The following DCDC1 variants were observed in gnomAD, a reference collection of about 807,000 sequenced individuals.
DCDC1 encodes the protein doublecortin domain-containing protein 1.
DCDC1 carries 200 observed loss-of-function variants against 178.3 expected under a neutral mutation model. The observed-to-expected ratio is 1.12, with a 90% CI of 1.00 to 1.26. The LOEUF (loss-of-function observed/expected upper bound fraction) is 1.26, where lower values mean the gene tolerates loss of function less well. Ranked by LOEUF, DCDC1 falls within the 50% of genes most tolerant of loss-of-function variation. The pLI is 0.00. For synonymous variants in DCDC1, 690 were observed against 604.8 expected (o/e 1.14, Z -2.07); for missense variants, 1,983 against 1,749.2 (o/e 1.13, Z -2.38).
At chr11:30,935,351 T>C (rs1356373655) in intron 21 of DCDC1, among the ~76,000 whole-genome samples, 1 of 152,202 alleles carries the variant, frequency 6.6e-6, no homozygotes, top group African/African-American at 2.4e-5. Flanking sequence ...TCTGATTTTC[T>C]AAATTCCCAC....
intron 7 of DCDC1, among the ~76,000 whole-genome samples, chr11:31,286,973 T>C (rs555079363): frequency 6.6e-6 from 1 of 152,182 alleles, no homozygotes; most frequent in Non-Finnish European, 1.5e-5. Flanking sequence ...TGTGGTGAAA[T>C]TGATTAACTC....
At chr11:30,940,853 C>G (rs937445943) in intron 21 of DCDC1, among the ~76,000 whole-genome samples, 1 of 151,980 alleles carries the variant, frequency 6.6e-6, no homozygotes, top group African/African-American at 2.4e-5. Flanking sequence ...TAATTTTTAG[C>G]CTCTTTTCCA....
rs116484860 is a variant in DCDC1, at chr11:31,073,797, A to C, written c.2298+4068T>G. Among the ~76,000 whole-genome samples the C allele has an allele frequency of 3.8e-3, 586 of 152,328 alleles. 1 individual carries two copies. The highest frequency in any genetic ancestry group is 0.014 in the African/African-American group (566 of 41,574). On this transcript the variant is annotated intron_variant, in intron 18 of 38. Transcript: ENST00000684477. ...CCTTCTATGAACAGAACTAAAGGTG[A>C]ATAGTTTGGGCTGGGTTAATAAATG...
At chr11:31,050,309 T>G (rs936841360) in intron 20 of DCDC1, among the ~76,000 whole-genome samples, 2 of 152,066 alleles carry the variant, frequency 1.3e-5, no homozygotes, top group African/African-American at 4.8e-5. Flanking sequence ...TCCAGTTACC[T>G]GGGAATCTCA....
chr11:31,119,494 C>T (rs371914625), intron 11 of DCDC1, among the ~76,000 whole-genome samples: 4 of 151,962 alleles, frequency 2.6e-5, no homozygotes, highest in South Asian at 2.1e-4. Flanking sequence ...AAGAACGACA[C>T]GGATCAAGGA....
chr11:31,355,726 C>G (rs1951308982), intron 1 of DCDC1, among the ~76,000 whole-genome samples: 1 of 152,018 alleles, frequency 6.6e-6, no homozygotes, highest in Admixed American at 6.6e-5. Flanking sequence ...CACCACCACG[C>G]CCGGCTAATT....
intron 9 of DCDC1, among the ~76,000 whole-genome samples, chr11:31,189,110 G>A (rs1010560524): frequency 4.6e-5 from 7 of 152,030 alleles, no homozygotes; most frequent in African/African-American, 1.2e-4. Context: ...ATAAATTTTC[G>A]TTGTTTATAA....
chr11:30,914,356 C>A (rs1244505359), intron 27 of DCDC1, among the ~76,000 whole-genome samples: 3 of 152,232 alleles, frequency 2.0e-5, no homozygotes, highest in Non-Finnish European at 2.9e-5. Flanking sequence ...CTCGCTGCTG[C>A]CGCCTGCTGA....
At chr11:31,225,740 T>G (rs1974866368) in intron 9 of DCDC1, among the ~76,000 whole-genome samples, 16 of 150,952 alleles carry the variant, frequency 1.1e-4, no homozygotes, top group Admixed American at 1.1e-3. Context: ...CCTAGATACA[T>G]ATAGATATAG....
intron 20 of DCDC1, among the ~76,000 whole-genome samples, chr11:31,054,590 A>G (rs1955470461): frequency 6.6e-6 from 1 of 152,224 alleles, no homozygotes; most frequent in African/African-American, 2.4e-5. Context: ...AAACTATACT[A>G]TAAGGCCATA....
chr11:30,895,078 T>A (rs2134069800), intron 34 of DCDC1, among the ~76,000 whole-genome samples: 1 of 152,320 alleles, frequency 6.6e-6, no homozygotes, highest in South Asian at 2.1e-4. Flanking sequence ...CTTATGAAAT[T>A]GTTTTCTTTT....
intron 21 of DCDC1, among the ~76,000 whole-genome samples, chr11:30,950,550 A>G (rs1948354585): frequency 6.6e-6 from 1 of 152,230 alleles, no homozygotes; most frequent in Admixed American, 6.5e-5. Flanking sequence ...CATTTGCAAC[A>G]ACACACATGG....
chr11:31,065,749 C>A (rs537721156), intron 18 of DCDC1, among the ~76,000 whole-genome samples: 1 of 152,272 alleles, frequency 6.6e-6, no homozygotes, highest in South Asian at 2.1e-4. Context: ...AAATGAAGCA[C>A]ATGAGGCACA....
intron 25 of DCDC1, among the ~76,000 whole-genome samples, 152 bp from the exon 26 acceptor site, chr11:30,917,180 T>A (rs995611959): frequency 3.9e-5 from 6 of 152,192 alleles, no homozygotes; most frequent in African/African-American, 1.4e-4. Context: ...GAAATTCACA[T>A]CTCACTAATA....
At chr11:30,986,371 T>C (rs1348550122) in intron 20 of DCDC1, among the ~76,000 whole-genome samples, 6 of 151,176 alleles carry the variant, frequency 4.0e-5, no homozygotes, top group Non-Finnish European at 8.9e-5. Flanking sequence ...TCTCGCTCTG[T>C]CGCCAGGCTG....
intron 20 of DCDC1, among the ~76,000 whole-genome samples, chr11:31,042,821 C>T (rs944309350): frequency 2.0e-5 from 3 of 152,176 alleles, no homozygotes; most frequent in Admixed American, 6.5e-5. Flanking sequence ...CCATGTGATT[C>T]CAGTGAAGCT....
intron 20 of DCDC1, among the ~76,000 whole-genome samples, chr11:30,955,244 A>T (rs1409926189): frequency 6.6e-6 from 1 of 152,102 alleles, no homozygotes; most frequent in African/African-American, 2.4e-5. Flanking sequence ...TATCTAGTTT[A>T]TTGTTACTCC....
intron 20 of DCDC1, among the ~76,000 whole-genome samples, chr11:30,971,875 C>T (rs181027180): frequency 2.0e-5 from 3 of 152,186 alleles, no homozygotes; most frequent in Admixed American, 2.0e-4. Context: ...TCCCAAAGTG[C>T]TGGGATTACA....
At chr11:31,213,908 A>C (rs1218388543) in intron 9 of DCDC1, among the ~76,000 whole-genome samples, 1 of 152,026 alleles carries the variant, frequency 6.6e-6, no homozygotes, top group Non-Finnish European at 1.5e-5. Context: ...GTGTGTACAC[A>C]TGTACATGTA....
Sources: allele counts gnomAD v4.1 joint callset (sites outside exome capture counted in the v4.1 genomes callset), GRCh38; gene constraint gnomAD v4.1.1; transcripts MANE v1.5; gene names NCBI Gene and HGNC (gene_info 2026-07-23, HGNC 2026-07-21).